Variants in NPHP1 observed in about 807,000 individuals in gnomAD.
The protein encoded by NPHP1 is nephrocystin 1.
In NPHP1, 70 loss-of-function variants were observed where a neutral mutation model predicts 90.4. The observed-to-expected ratio is 0.77, with a 90% CI of 0.64 to 0.95. The LOEUF is 0.95. NPHP1 is among the 40% of genes least tolerant of loss of function. The pLI is 0.00. For synonymous variants in NPHP1, 256 were observed against 271.7 expected (o/e 0.94, Z 0.57); for missense variants, 764 against 795.9 (o/e 0.96, Z 0.48).
rs575269744 is a variant in NPHP1 at position 110,191,055 on chromosome 2, C to T, written c.143+10366G>A. Among the ~76,000 whole-genome samples, 7 of 152,208 alleles carry T rather than the reference C, an allele frequency of 4.6e-5. No individual in the cohort carries two copies. The South Asian group carries it at 6.2e-4, about 14-fold the overall frequency. ...GGGGCGGTTCCAAGATGGCCAAATA[C>T]GAACAACTCCAGTCTACAGCTCCCA... On this transcript the variant is annotated intron_variant, in intron 2 of 19. Coordinates refer to ENST00000445609, the MANE Select transcript of NPHP1 (RefSeq NM_001128178.3).
At chr2:110,142,943 A>G (rs932786548) in intron 16 of NPHP1, among the ~76,000 whole-genome samples, 3 of 152,156 alleles carry the variant, frequency 2.0e-5, no homozygotes, top group African/African-American at 7.2e-5. Flanking sequence ...GTAAGTCTCA[A>G]ATGCACTAGG....
intron 4 of NPHP1, among the ~76,000 whole-genome samples, chr2:110,170,977 C>T (rs188583626): frequency 6.6e-6 from 1 of 152,018 alleles, no homozygotes; most frequent in Admixed American, 6.6e-5. Flanking sequence ...TTTAAAGTCG[C>T]CCCTAAAAAT....
chr2:110,142,347 CT>C lies in NPHP1; in HGVS notation c.1529+1194del, dbSNP rs572241527. ...TGAAAATGCATTTAATACACTTAGA[CT>C]TTTTTTTTTTTTAATCAGGGTCTCA... On this transcript the variant is annotated intron_variant, in intron 16 of 19. Transcript: ENST00000445609. Among the ~76,000 whole-genome samples the C allele has an allele frequency of 3.3e-3, 474 of 144,004 alleles. 2 individuals are homozygous for C. Among genetic ancestry groups the C allele is most frequent in the South Asian group, 0.013 (60 of 4,568 alleles). The allele number at this position is 144,004 out of a possible 152,430, so 94.5% of individuals were successfully genotyped here.
intron 2 of NPHP1, among the ~76,000 whole-genome samples, chr2:110,186,579 C>T (rs774788201): frequency 6.6e-6 from 1 of 152,168 alleles, no homozygotes; most frequent in African/African-American, 2.4e-5. Context: ...GGCACCCTCA[C>T]CTGTGACACC....
At chr2:110,143,142 A>T (rs1680773636) in intron 16 of NPHP1, among the ~76,000 whole-genome samples, 1 of 152,206 alleles carries the variant, frequency 6.6e-6, no homozygotes, top group African/African-American at 2.4e-5. Flanking sequence ...TCTTGATTGT[A>T]GTGGTAATTA....
At chr2:110,147,589 C>T (rs981310136) in intron 13 of NPHP1, among the ~76,000 whole-genome samples, 1 of 151,950 alleles carries the variant, frequency 6.6e-6, no homozygotes, top group South Asian at 2.1e-4. Context: ...GTATACTCTG[C>T]CCCTGGAAGA....
At chr2:110,139,895 G>GCTTC (rs1680505081) in intron 16 of NPHP1, among the ~76,000 whole-genome samples, 2 of 152,166 alleles carry the variant, frequency 1.3e-5, no homozygotes, top group East Asian at 3.9e-4. Flanking sequence ...CGGGTCAGGG[G>GCTTC]AGGAGAGAGG....
intron 18 of NPHP1, chr2:110,126,773 A>G (rs1679401358): frequency 6.6e-6 from 1 of 152,646 alleles, no homozygotes; most frequent in African/African-American, 2.4e-5. Context: ...TTTTGCTACT[A>G]CTTTTATGGC....
rs1449620459 is a variant in NPHP1 at position 110,179,642 on chromosome 2, A to G, written c.186T>C (p.Ala62=). 4.4e-6 allele frequency: 6 copies of G among 1,367,686 alleles called. No individual in the cohort carries two copies. In the African/African-American group the frequency reaches 8.5e-5, roughly 19 times the overall value. 84.7% of individuals were successfully genotyped at this position (1,367,686 alleles called of 1,614,324 possible). A position where few individuals can be genotyped will look rare whatever the true frequency, so the allele number is the denominator to read the frequency against. The stretch of plus-strand genomic sequence containing the variant: ...TACTTACTTTGCTTAATTTTTGAAG[A>G]GCATTTTTATTTTCATCTATTGCCT... ...LKQAIDENKN[A]LQKLSKADES... Residue 62 remains alanine (A), a synonymous_variant, in exon 3 of 20, where the codon GCT becomes GCC. Transcript: ENST00000445609.
intron 11 of NPHP1, among the ~76,000 whole-genome samples, chr2:110,152,085 C>T (rs1681511402): frequency 6.6e-6 from 1 of 152,122 alleles, no homozygotes; most frequent in African/African-American, 2.4e-5. Context: ...GCTTTCTGTG[C>T]AAAACCAGAC....
rs184631906 is a variant in NPHP1, at chr2:110,178,299, G to A, written c.329+124C>T. The A allele has an allele frequency of 1.1e-4, 104 of 937,810 alleles. No homozygotes were observed. The African/African-American group carries it at 1.5e-3, about 13-fold the overall frequency. 58.1% of individuals were successfully genotyped at this position (937,810 alleles called of 1,614,324 possible). On this transcript the variant is annotated intron_variant, in intron 4 of 19. Transcript: ENST00000445609. ...CTATTATACACAATAAATAAATGTT[G>A]ACTGATTCTATTGTTAGTGTCATTT... is the stretch of plus-strand genomic sequence containing the variant.
intron 8 of NPHP1, 184 bp from the exon 9 acceptor site, chr2:110,163,319 C>T (rs1682484244): frequency 1.7e-6 from 1 of 604,332 alleles, no homozygotes; most frequent in East Asian, 2.9e-5. Flanking sequence ...CTGGCCTCTC[C>T]TAAGGACCTA....
chr2:110,135,004 G>A (rs1187835695), intron 16 of NPHP1, among the ~76,000 whole-genome samples: 2 of 152,002 alleles, frequency 1.3e-5, no homozygotes, highest in Non-Finnish European at 2.9e-5. Flanking sequence ...GTCTTTGTTT[G>A]CAGACAAAAT....
intron 14 of NPHP1, among the ~76,000 whole-genome samples, chr2:110,145,444 C>A (rs1363807267): frequency 1.3e-5 from 2 of 152,018 alleles, no homozygotes; most frequent in Non-Finnish European, 2.9e-5. Context: ...GCGTGTGCCA[C>A]CATGCTTGGC....
rs1559090350 is a variant in NPHP1 at position 110,179,694 on chromosome 2, G to A, written c.144-10C>T. 4.5e-6 allele frequency: 5 copies of A among 1,102,814 alleles called. No individual in the cohort carries two copies. Among genetic ancestry groups the A allele is most frequent in the Admixed American group, 3.7e-5 (2 of 53,668 alleles). 68.3% of individuals were successfully genotyped at this position (1,102,814 alleles called of 1,614,324 possible). ...CTTTAACTGGATACATCTAAATTAA[G>A]AAAAAAAAGAAAATATATTGATTTT... On this transcript the variant is annotated splice_polypyrimidine_tract_variant and intron_variant, in intron 2 of 19. Coordinates refer to ENST00000445609, the MANE Select transcript of NPHP1 (RefSeq NM_001128178.3).
chr2:110,173,824 C>T (rs532092553), intron 4 of NPHP1, among the ~76,000 whole-genome samples: 133 of 152,124 alleles, frequency 8.7e-4, no homozygotes, highest in Non-Finnish European at 1.6e-3. Context: ...AATTAGATCA[C>T]GGTGGTTAAG....
chr2:110,174,689 G>C (rs1365730806), intron 4 of NPHP1, among the ~76,000 whole-genome samples: 1 of 151,928 alleles, frequency 6.6e-6, no homozygotes, highest in African/African-American at 2.4e-5. Flanking sequence ...AAAAATTTGA[G>C]TTGTCTGGCG....
intron 10 of NPHP1, among the ~76,000 whole-genome samples, chr2:110,160,873 T>C (rs1453443374): frequency 6.6e-6 from 1 of 152,156 alleles, no homozygotes; most frequent in Non-Finnish European, 1.5e-5. Flanking sequence ...TTCATTTAAA[T>C]AACTTATATT....
chr2:110,164,432 AT>A, intron 8 of NPHP1: 1 of 757,008 alleles, frequency 1.3e-6, no homozygotes, highest in South Asian at 1.5e-5. Flanking sequence ...AGCAGGATCA[AT>A]GAGAATGTTT....
Sources: gnomAD v4.1 joint callset for allele counts (sites outside exome capture counted in the v4.1 genomes callset) on GRCh38, gnomAD v4.1.1 for gene constraint, MANE v1.5 for transcripts, NCBI Gene and HGNC (gene_info 2026-07-23, HGNC 2026-07-21) for gene names.